OSBPL9: variants seen among roughly 807,000 people sequenced by gnomAD.
The protein encoded by OSBPL9 is oxysterol-binding protein-related protein 9.
A neutral mutation model predicts 106.6 loss-of-function variants in OSBPL9; 40 were observed. The ratio of observed to expected loss-of-function variants is 0.38; its 90% CI spans 0.29 to 0.49. OSBPL9 has a LOEUF of 0.49. Ranked by LOEUF, OSBPL9 falls within the 20% of genes least tolerant of loss-of-function variation. The probability of loss-of-function intolerance (pLI) is 0.97; values close to 1 mark genes in which losing one functional copy is unlikely to be tolerated. For missense variants in OSBPL9, 609 were observed against 887.2 expected, an observed-to-expected ratio of 0.69 and a Z score of 3.98; for synonymous variants, 269 against 295.4, an observed-to-expected ratio of 0.91 and a Z score of 0.92.
At chr1:51,641,444 A>T (rs1402930007) in intron 1 of OSBPL9, among the ~76,000 whole-genome samples, 10 of 152,174 alleles carry the variant, frequency 6.6e-5, no homozygotes, top group South Asian at 2.1e-4. Flanking sequence ...ATTCCTATAA[A>T]TACATGTTTC....
chr1:51,715,392 A>G (rs1340113511), intron 4 of OSBPL9, among the ~76,000 whole-genome samples: 1 of 152,156 alleles, frequency 6.6e-6, no homozygotes. Flanking sequence ...CATTTTAGCA[A>G]ATTTGTGATC....
intron 1 of OSBPL9, among the ~76,000 whole-genome samples, chr1:51,594,178 C>A (rs1270569431): frequency 6.6e-6 from 1 of 152,004 alleles, no homozygotes; most frequent in East Asian, 1.9e-4. Flanking sequence ...GTGTGGATCA[C>A]CTGAGGTCAG....
chr1:51,736,371 T>C (rs1342131510), intron 4 of OSBPL9, among the ~76,000 whole-genome samples: 1 of 152,166 alleles, frequency 6.6e-6, no homozygotes, highest in Non-Finnish European at 1.5e-5. Flanking sequence ...TCAGAACAAT[T>C]GTTGAGTCTA....
chr1:51,787,639 G>A lies in OSBPL9; in HGVS notation c.2137-76G>A. On this transcript the variant is annotated intron_variant, in intron 23 of 23. Coordinates refer to ENST00000428468, the MANE Select transcript of OSBPL9 (RefSeq NM_024586.6). ...TTTCAGTCTAATGGCGGGGTGGGGA[G>A]CAGATATGAAATAGTAAGTATATTA... 4 of 1,586,912 alleles carry A rather than the reference G, an allele frequency of 2.5e-6. No individual in the cohort carries two copies. In the Admixed American group the frequency reaches 5.2e-5, roughly 21 times the overall value.
chr1:51,715,349 A>G (rs557453306), intron 4 of OSBPL9, among the ~76,000 whole-genome samples: 1 of 152,356 alleles, frequency 6.6e-6, no homozygotes, highest in Non-Finnish European at 1.5e-5. Context: ...GATTTCTTTT[A>G]AATTTAGGCA....
At chr1:51,655,209 G>A (rs1387333490) in intron 2 of OSBPL9, among the ~76,000 whole-genome samples, 1 of 152,104 alleles carries the variant, frequency 6.6e-6, no homozygotes, top group African/African-American at 2.4e-5. Flanking sequence ...TGGCTGGACT[G>A]GGCCCTTATC....
chr1:51,548,185 A>G, the OSBPL9 span, among the ~76,000 whole-genome samples: 1 of 152,174 alleles, frequency 6.6e-6, no homozygotes, highest in African/African-American at 2.4e-5. Context: ...ATTTCAGTCT[A>G]TGTGCAGAAT....
chr1:51,739,495 T>G (rs1434488057), intron 4 of OSBPL9, among the ~76,000 whole-genome samples: 1 of 152,006 alleles, frequency 6.6e-6, no homozygotes, highest in Non-Finnish European at 1.5e-5. Context: ...GTAAGGTAAC[T>G]ACAGCTACCA....
At chr1:51,747,381 C>T (rs529587997) in intron 6 of OSBPL9, among the ~76,000 whole-genome samples, 1 of 152,046 alleles carries the variant, frequency 6.6e-6, no homozygotes, top group Non-Finnish European at 1.5e-5. Flanking sequence ...CTTCAGATAC[C>T]AATAAACCAA....
At chr1:51,548,658 G>C in the OSBPL9 span, among the ~76,000 whole-genome samples, 1 of 152,166 alleles carries the variant, frequency 6.6e-6, no homozygotes, top group Non-Finnish European at 1.5e-5. Context: ...CCTCAGTCCT[G>C]GGATTACAGG....
chr1:51,611,705 C>T (rs1461149937), intron 2 of OSBPL9, among the ~76,000 whole-genome samples: 1 of 152,246 alleles, frequency 6.6e-6, no homozygotes, highest in East Asian at 1.9e-4. Flanking sequence ...GGCACAGTGG[C>T]TCACACCTGT....
intron 4 of OSBPL9, among the ~76,000 whole-genome samples, chr1:51,725,581 G>A (rs1662966792): frequency 6.6e-6 from 1 of 152,150 alleles, no homozygotes; most frequent in Non-Finnish European, 1.5e-5. Context: ...TGTGCATGGA[G>A]GGGAAACATT....
At chr1:51,685,510 C>T (rs1035306562) in intron 3 of OSBPL9, among the ~76,000 whole-genome samples, 1 of 151,990 alleles carries the variant, frequency 6.6e-6, no homozygotes, top group East Asian at 1.9e-4. Flanking sequence ...AGGGTTCAAG[C>T]GATTCTCCTG....
chr1:51,624,944 G>T (rs1644683639), intron 1 of OSBPL9, among the ~76,000 whole-genome samples: 1 of 152,204 alleles, frequency 6.6e-6, no homozygotes, highest in Non-Finnish European at 1.5e-5. Flanking sequence ...CTTGTGAATA[G>T]AATATGAATG....
the OSBPL9 span, among the ~76,000 whole-genome samples, chr1:51,545,109 G>A: frequency 4.2e-4 from 64 of 152,166 alleles, no homozygotes; most frequent in African/African-American, 1.5e-3. Flanking sequence ...CTCCCAATGT[G>A]CTGGGATTAC....
chr1:51,604,942 G>A (rs113911787), intron 2 of OSBPL9, among the ~76,000 whole-genome samples: 26,458 of 152,090 alleles, frequency 0.17, 3,217 homozygotes, highest in South Asian at 0.32. Flanking sequence ...GTGAGCCACC[G>A]CACCTGGCCT....
At chr1:51,586,679 G>A (rs1645249421) in intron 1 of OSBPL9, among the ~76,000 whole-genome samples, 1 of 152,176 alleles carries the variant, frequency 6.6e-6, no homozygotes, top group Admixed American at 6.6e-5. Context: ...AATCCTACCA[G>A]CCAGGCCCCA....
At chr1:51,750,083 T>C in intron 7 of OSBPL9, 62 bp from the exon 8 acceptor site, 2 of 1,214,846 alleles carry the variant, frequency 1.6e-6, no homozygotes, top group South Asian at 2.7e-5. Flanking sequence ...TATTTTAAGC[T>C]TTAACATTAT....
intron 2 of OSBPL9, among the ~76,000 whole-genome samples, chr1:51,667,669 A>G (rs1288255190): frequency 3.3e-5 from 5 of 152,236 alleles, no homozygotes; most frequent in Non-Finnish European, 1.5e-5. Context: ...GGCTCAGGAA[A>G]TATTTGATAC....
Sources: gnomAD v4.1 joint callset for allele counts (sites outside exome capture counted in the v4.1 genomes callset) on GRCh38, gnomAD v4.1.1 for gene constraint, MANE v1.5 for transcripts, NCBI Gene and HGNC (gene_info 2026-07-23, HGNC 2026-07-21) for gene names.